Variants in PCDHGA10 observed in about 807,000 individuals in gnomAD.
PCDHGA10 encodes the protein protocadherin gamma-A10.
A neutral mutation model predicts 59.5 loss-of-function variants in PCDHGA10; 42 were observed. The ratio of observed to expected loss-of-function variants is 0.71; its 90% CI spans 0.55 to 0.91. The LOEUF is 0.91. Among genes scored for constraint, PCDHGA10 ranks in the 40% least tolerant of loss-of-function variants. The probability of loss-of-function intolerance (pLI) is 0.00; values close to 1 mark genes in which losing one functional copy is unlikely to be tolerated. For missense variants in PCDHGA10, 1,111 were observed against 1,198.2 expected (o/e 0.93, Z 1.07); for synonymous variants, 511 against 517.2 (o/e 0.99, Z 0.16).
At chr5:141,463,418 C>A (rs1442067485) in intron 1 of PCDHGA10, among the ~76,000 whole-genome samples, 3 of 138,240 alleles carry the variant, frequency 2.2e-5, no homozygotes, top group Admixed American at 7.4e-5. Context: ...TCCTAGTTTG[C>A]GGATCCTCAT....
intron 1 of PCDHGA10, among the ~76,000 whole-genome samples, chr5:141,470,504 G>A (rs914828244): frequency 6.6e-6 from 1 of 152,114 alleles, no homozygotes; most frequent in Admixed American, 6.6e-5. Flanking sequence ...TAGGTAATTA[G>A]ACAGTTAGCT....
In PCDHGA10 at chr5:141,486,752, C is replaced by G. The variant is rs776406247; in HGVS notation, c.2437-8055C>G. On this transcript the variant is annotated intron_variant, in intron 1 of 3. Transcript: ENST00000398610. The surrounding 1 kb of genome is among the most constrained non-coding windows in gnomAD (Gnocchi z 5.0). ...TGCTACTCGATCCTTTGACTATGAG[C>G]AAACCCAGACACTGCAGTTTGAGGT... 6.2e-7 allele frequency: 1 copy of G among 1,614,244 alleles called. No individual in the cohort carries two copies. The highest frequency in any genetic ancestry group is 1.3e-5 in the African/African-American group (1 of 75,080).
At position 141,511,355 on chromosome 5, in the gene PCDHGA10, G is replaced by A; in HGVS notation, c.*182G>A. On this transcript the variant is annotated 3_prime_UTR_variant, in exon 4 of 4. Coordinates refer to ENST00000398610, the MANE Select transcript of PCDHGA10 (RefSeq NM_018913.3). ...TCAGCACCTACCCCTTCCCCCCCAG[G>A]GGGTTGAATATGCAAAAGCAGTTCC... 4 of 1,379,256 alleles carry A rather than the reference G, an allele frequency of 2.9e-6. No individual in the cohort carries two copies. The highest frequency in any genetic ancestry group is 3.9e-6 in the Non-Finnish European group (4 of 1,035,886). 85.4% of individuals were successfully genotyped at this position (1,379,256 alleles called of 1,614,324 possible).
At chr5:141,473,228 A>T (rs549587219) in intron 1 of PCDHGA10, among the ~76,000 whole-genome samples, 1 of 152,296 alleles carries the variant, frequency 6.6e-6, no homozygotes, top group African/African-American at 2.4e-5. Context: ...GGGAGATTGG[A>T]TCCACACAAG....
rs1449032006 is a variant in PCDHGA10 at position 141,438,617 on chromosome 5, TATATATATATATATATATAC to T, written c.2436+23008_2436+23027del. 2.9e-3 allele frequency among the ~76,000 whole-genome samples: 107 copies of T among 37,156 alleles called. 1 individual carries two copies. Among genetic ancestry groups the T allele is most frequent in the South Asian group, 0.015 (15 of 996 alleles). 24.4% of individuals were successfully genotyped at this position (37,156 alleles called of 152,430 possible). On this transcript the variant is annotated intron_variant, in intron 1 of 3. Transcript: ENST00000398610. Reference sequence around the variant, plus strand: ...ATATATATATATATATATATATATATATATATATATATATATATACACACACACACACACATATATGTATA... The same window carrying T: ...ATATATATATATATATATATATATATACACACACACACACATATATGTATA...
intron 1 of PCDHGA10, among the ~76,000 whole-genome samples, chr5:141,456,918 G>A (rs535602842): frequency 6.6e-6 from 1 of 152,006 alleles, no homozygotes; most frequent in African/African-American, 2.4e-5. Context: ...AGCCGAGATC[G>A]CACCACTGCA....
chr5:141,427,355 C>A (rs765449381), intron 1 of PCDHGA10: 9 of 457,430 alleles, frequency 2.0e-5, no homozygotes, highest in Non-Finnish European at 3.5e-5. Context: ...TAACTGAGGA[C>A]GCAGAACCCT....
intron 1 of PCDHGA10, among the ~76,000 whole-genome samples, chr5:141,434,746 C>T (rs1591345130): frequency 6.6e-6 from 1 of 151,796 alleles, no homozygotes; most frequent in South Asian, 2.1e-4. Context: ...GGCTATGAGA[C>T]CCCTGATTCC....
chr5:141,473,857 G>A (rs981688765), intron 1 of PCDHGA10, among the ~76,000 whole-genome samples: 1 of 152,164 alleles, frequency 6.6e-6, no homozygotes, highest in Non-Finnish European at 1.5e-5. Context: ...GATGAACCTC[G>A]CTATTGTGGA....
chr5:141,490,891 C>A lies in PCDHGA10; in HGVS notation c.2437-3916C>A, dbSNP rs1462296497. The A allele has an allele frequency of 6.2e-7, 1 of 1,613,204 alleles. No homozygotes were observed. Among genetic ancestry groups the A allele is most frequent in the Non-Finnish European group, 8.5e-7 (1 of 1,179,262 alleles). On this transcript the variant is annotated intron_variant, in intron 1 of 3. Transcript: ENST00000398610. This position sits in a 1 kb window ranked among gnomAD's most constrained non-coding sequence, Gnocchi z 5.4. ...CCCATTGCATGCCAACACATCTCTGCATGTGTTTGTCCTAGACGAGAATGA... is the reference window on the plus strand; with the variant it reads ...CCCATTGCATGCCAACACATCTCTGAATGTGTTTGTCCTAGACGAGAATGA...
chr5:141,478,213 C>A (rs2099439229), intron 1 of PCDHGA10: 1 of 1,614,000 alleles, frequency 6.2e-7, no homozygotes, highest in Non-Finnish European at 8.5e-7. Context: ...TTTCTCTAAT[C>A]CTGGTTTCTG....
Position 141,485,966 on chromosome 5 carries a change from A to T in PCDHGA10, c.2437-8841A>T. ...AGCGGGCATGGTGCTCATCCAGCTC[A>T]ATGCCTCAGACCCGGACCTGGGTCC... On this transcript the variant is annotated intron_variant, in intron 1 of 3. Coordinates refer to ENST00000398610, the MANE Select transcript of PCDHGA10 (RefSeq NM_018913.3). The surrounding 1 kb of genome is among the most constrained non-coding windows in gnomAD (Gnocchi z 5.7). 1 of 1,614,168 alleles carries T rather than the reference A, an allele frequency of 6.2e-7. No individual in the cohort carries two copies. Among genetic ancestry groups the T allele is most frequent in the Non-Finnish European group, 8.5e-7 (1 of 1,179,988 alleles).
intron 1 of PCDHGA10, among the ~76,000 whole-genome samples, chr5:141,426,098 A>T (rs144349682): frequency 6.6e-6 from 1 of 152,356 alleles, no homozygotes; most frequent in Non-Finnish European, 1.5e-5. Flanking sequence ...TATTCTGTTC[A>T]GTCACAGAAG....
At chr5:141,437,035 C>T (rs991186972) in intron 1 of PCDHGA10, among the ~76,000 whole-genome samples, 1 of 152,120 alleles carries the variant, frequency 6.6e-6, no homozygotes, top group Non-Finnish European at 1.5e-5. Context: ...AATGGATCAC[C>T]GAAACCAGAA....
At chr5:141,470,416 A>AT (rs1300623208) in intron 1 of PCDHGA10, among the ~76,000 whole-genome samples, 3 of 152,134 alleles carry the variant, frequency 2.0e-5, no homozygotes, top group African/African-American at 7.2e-5. Flanking sequence ...GATTTTATGT[A>AT]TTTTTTCCTT....
rs1468315559 is a variant in PCDHGA10 at position 141,493,636 on chromosome 5, G to A, written c.2437-1171G>A. 1.3e-5 allele frequency among the ~76,000 whole-genome samples: 2 copies of A among 152,130 alleles called. No individual in the cohort carries two copies. Among genetic ancestry groups the A allele is most frequent in the Non-Finnish European group, 2.9e-5 (2 of 68,040 alleles). The stretch of plus-strand genomic sequence containing the variant: ...TGTGTCTAAGAATACAGTGGCTGAG[G>A]GCTGGCCATCCCTGTGCCCTTCTCC... On this transcript the variant is annotated intron_variant, in intron 1 of 3. Transcript: ENST00000398610. The surrounding 1 kb of genome is among the most constrained non-coding windows in gnomAD (Gnocchi z 4.3).
Position 141,432,072 on chromosome 5 carries a change from T to C in PCDHGA10, c.2436+16461T>C, listed in dbSNP as rs1236871982. The C allele has an allele frequency of 6.2e-7, 1 of 1,614,178 alleles. No homozygotes were observed. The highest frequency in any genetic ancestry group is 8.5e-7 in the Non-Finnish European group (1 of 1,180,032). On this transcript the variant is annotated intron_variant, in intron 1 of 3. Coordinates refer to ENST00000398610, the MANE Select transcript of PCDHGA10 (RefSeq NM_018913.3). This position sits in a 1 kb window ranked among gnomAD's most constrained non-coding sequence, Gnocchi z 6.0. ...CCGCCCCTATCCACGGAAACTCATA[T>C]CTCGCTGAACGTGGCAGACACCAAC...
chr5:141,419,754 T>C, intron 1 of PCDHGA10: 1 of 1,613,924 alleles, frequency 6.2e-7, no homozygotes. Flanking sequence ...GTGCGTGCTT[T>C]GGGTGACAAG....
At chr5:141,463,741 C>T (rs1011021860) in intron 1 of PCDHGA10, among the ~76,000 whole-genome samples, 3 of 152,034 alleles carry the variant, frequency 2.0e-5, no homozygotes, top group Admixed American at 1.3e-4. Context: ...CCACCGCGCC[C>T]GGCCTGCTTC....
Sources: gnomAD v4.1 joint callset for allele counts (sites outside exome capture counted in the v4.1 genomes callset) on GRCh38, gnomAD v4.1.1 for gene constraint, Gnocchi (gnomAD v3.1) non-coding constraint, MANE v1.5 for transcripts, NCBI Gene and HGNC (gene_info 2026-07-23, HGNC 2026-07-21) for gene names.